Variants in MRAP2 observed in about 807,000 individuals in gnomAD.
MRAP2 encodes the protein melanocortin 2 receptor accessory protein 2.
MRAP2 carries 20 observed loss-of-function variants against 17.4 expected under a neutral mutation model. That is an observed-to-expected ratio of 1.15 (90% CI 0.81 to 1.67). MRAP2 has a LOEUF of 1.67. Among genes scored for constraint, MRAP2 ranks in the 40% most tolerant of loss-of-function variants. The probability of loss-of-function intolerance (pLI) is 0.00; values close to 1 mark genes in which losing one functional copy is unlikely to be tolerated. For missense variants in MRAP2, 238 were observed against 240.0 expected (o/e 0.99, Z 0.05); for synonymous variants, 96 against 88.4 (o/e 1.09, Z -0.48).
chr6:84,144,207 T>C, the MRAP2 span, among the ~76,000 whole-genome samples: 1 of 152,032 alleles, frequency 6.6e-6, no homozygotes, highest in Non-Finnish European at 1.5e-5. Flanking sequence ...ATTAGGCTTA[T>C]TTGACGTGAT....
chr6:84,092,601 G>C (rs1016760480), downstream of MRAP2, among the ~76,000 whole-genome samples: 1 of 152,200 alleles, frequency 6.6e-6, no homozygotes, highest in Admixed American at 6.5e-5. Context: ...ACAATGATGT[G>C]ACCGACATAA....
chr6:84,050,254 C>G (rs912459844), intron 1 of MRAP2, among the ~76,000 whole-genome samples: 2 of 152,136 alleles, frequency 1.3e-5, no homozygotes, highest in Admixed American at 1.3e-4. Flanking sequence ...TGATGGTTCA[C>G]GCAGACTCTA....
At chr6:84,095,722 C>T (rs1448348990), downstream of MRAP2, among the ~76,000 whole-genome samples, 1 of 152,194 alleles carries the variant, frequency 6.6e-6, no homozygotes, top group East Asian at 1.9e-4. Flanking sequence ...AATAGAAAGT[C>T]TTTATGTCTA....
chr6:84,077,435 G>T (rs990024936), intron 3 of MRAP2, among the ~76,000 whole-genome samples: 1 of 152,230 alleles, frequency 6.6e-6, no homozygotes. Flanking sequence ...ATTAGCAAGG[G>T]GACTGAAACT....
intron 1 of MRAP2, chr6:84,045,417 C>G: frequency 2.0e-6 from 2 of 982,962 alleles, no homozygotes; most frequent in Non-Finnish European, 2.4e-6. Context: ...CCACGAATGA[C>G]CTGCCCCCAG....
intron 3 of MRAP2, among the ~76,000 whole-genome samples, chr6:84,073,834 C>T (rs997265382): frequency 6.6e-6 from 1 of 151,340 alleles, no homozygotes; most frequent in African/African-American, 2.4e-5. Flanking sequence ...CAGCCCAACA[C>T]AAATTCGTAA....
At chr6:84,091,679 G>T (rs763484757), downstream of MRAP2, among the ~76,000 whole-genome samples, 1 of 152,140 alleles carries the variant, frequency 6.6e-6, no homozygotes, top group Non-Finnish European at 1.5e-5. Context: ...ATACTTAAAC[G>T]TCAGACAAAT....
At chr6:84,124,472 CATAAAAA>C in the MRAP2 span, 20 of 152,484 alleles carry the variant, frequency 1.3e-4, no homozygotes, top group African/African-American at 4.8e-4. Flanking sequence ...CTAAATCAGA[CATAAAAA>C]ATAAAATATT....
intron 2 of MRAP2, among the ~76,000 whole-genome samples, chr6:84,059,117 G>A (rs893803747): frequency 2.0e-5 from 3 of 152,146 alleles, no homozygotes; most frequent in Non-Finnish European, 4.4e-5. Flanking sequence ...TCAATGAGTG[G>A]ACAATCACAT....
At chr6:84,126,481 G>A in the MRAP2 span, 1 of 1,560,478 alleles carries the variant, frequency 6.4e-7, no homozygotes. Context: ...GTTTTCTTTG[G>A]CTTCTCTCAA....
chr6:84,139,101 T>C, the MRAP2 span, among the ~76,000 whole-genome samples: 2 of 152,314 alleles, frequency 1.3e-5, no homozygotes, highest in Middle Eastern at 3.4e-3. Context: ...AAATGGATCT[T>C]AGAATCAAAT....
intron 3 of MRAP2, among the ~76,000 whole-genome samples, chr6:84,075,501 G>A (rs1341220925): frequency 6.6e-6 from 1 of 152,176 alleles, no homozygotes; most frequent in African/African-American, 2.4e-5. Flanking sequence ...GGACAGTGAA[G>A]ATAAAAGAAG....
the MRAP2 span, among the ~76,000 whole-genome samples, chr6:84,134,917 T>TACACAC: frequency 1.5e-4 from 11 of 73,572 alleles, no homozygotes; most frequent in African/African-American, 4.6e-4. Context: ...AAAGATCATA[T>TACACAC]ATACACACAC....
the MRAP2 span, among the ~76,000 whole-genome samples, chr6:84,127,834 A>G: frequency 6.6e-6 from 1 of 152,184 alleles, no homozygotes; most frequent in African/African-American, 2.4e-5. Flanking sequence ...ATGGCCAATG[A>G]CTAGTGAGAT....
the MRAP2 span, among the ~76,000 whole-genome samples, chr6:84,133,488 C>T: frequency 3.9e-5 from 6 of 152,176 alleles, no homozygotes; most frequent in African/African-American, 1.4e-4. Context: ...GCAGGCTGGC[C>T]TCCTTGAGTT....
chr6:84,120,125 A>AACTT, the MRAP2 span, among the ~76,000 whole-genome samples: 1 of 152,182 alleles, frequency 6.6e-6, no homozygotes, highest in Admixed American at 6.5e-5. Context: ...TAGGCTAGAT[A>AACTT]ACTTACAATT....
At chr6:84,046,272 C>G (rs186784345) in intron 1 of MRAP2, among the ~76,000 whole-genome samples, 14 of 152,176 alleles carry the variant, frequency 9.2e-5, no homozygotes, top group Admixed American at 7.2e-4. Context: ...TATTCCAGGT[C>G]CATGAAAACT....
chr6:84,079,716 CTA>C (rs1396914489), intron 3 of MRAP2, among the ~76,000 whole-genome samples: 1 of 152,038 alleles, frequency 6.6e-6, no homozygotes, highest in East Asian at 1.9e-4. Context: ...TCATAGTAAA[CTA>C]TGTGTGTATT....
At chr6:84,064,458 C>T (rs2099494023) in intron 3 of MRAP2, among the ~76,000 whole-genome samples, 1 of 151,856 alleles carries the variant, frequency 6.6e-6, no homozygotes, top group South Asian at 2.1e-4. Context: ...ATAAGTTTCA[C>T]AGGAATCCTG....
Sources: gnomAD v4.1 joint callset for allele counts (sites outside exome capture counted in the v4.1 genomes callset) on GRCh38, gnomAD v4.1.1 for gene constraint, MANE v1.5 for transcripts, NCBI Gene and HGNC (gene_info 2026-07-23, HGNC 2026-07-21) for gene names.